The following AFF1 variants were observed in gnomAD, a reference collection of about 807,000 sequenced individuals.
The protein encoded by AFF1 is ALF transcription elongation factor 1, also known as AF4/FMR2 family member 1.
In AFF1, 48 loss-of-function variants were observed where a neutral mutation model predicts 121.7. The observed-to-expected ratio is 0.39, with a 90% CI of 0.31 to 0.50. AFF1 has a LOEUF of 0.50. AFF1 is among the 20% of genes least tolerant of loss of function. AFF1 has a pLI of 0.76. For synonymous variants in AFF1, 613 were observed against 563.0 expected (o/e 1.09, Z -1.26); for missense variants, 1,523 against 1,511.7 (o/e 1.01, Z -0.12).
chr4:87,126,060 C>CT (rs748006987), intron 13 of AFF1, 39 bp from the exon 14 acceptor site: 1 of 1,590,252 alleles, frequency 6.3e-7, no homozygotes, highest in South Asian at 1.1e-5. Flanking sequence ...TTGATGTGTA[C>CT]TTTGCCTCCT....
chr4:87,062,015 C>A (rs1720838235), intron 4 of AFF1, among the ~76,000 whole-genome samples: 1 of 152,110 alleles, frequency 6.6e-6, no homozygotes. Flanking sequence ...AAAATACTAA[C>A]AAGGTTAGTC....
chr4:86,945,342 T>TTG (rs1491044663), intron 1 of AFF1, among the ~76,000 whole-genome samples: 8 of 125,016 alleles, frequency 6.4e-5, no homozygotes, highest in Non-Finnish European at 9.9e-5. Flanking sequence ...TTTTTTTTTT[T>TTG]GAGGCAGGGC....
At chr4:87,037,311 G>A (rs568746184) in intron 2 of AFF1, among the ~76,000 whole-genome samples, 231 of 152,178 alleles carry the variant, frequency 1.5e-3, no homozygotes, top group Non-Finnish European at 2.8e-3. Context: ...GCTGCTTGGT[G>A]GTAGGTTGTT....
At chr4:87,049,578 T>G (rs546664772) in intron 4 of AFF1, 37 of 343,880 alleles carry the variant, frequency 1.1e-4, no homozygotes, top group Admixed American at 3.3e-4. Flanking sequence ...AAGAATGGGG[T>G]TTTTTTTTTG....
chr4:87,011,865 ATGT>A (rs1560538191), intron 2 of AFF1, among the ~76,000 whole-genome samples: 1 of 152,100 alleles, frequency 6.6e-6, no homozygotes, highest in Non-Finnish European at 1.5e-5. Context: ...ATTTATGGGG[ATGT>A]TGTTGTTTTG....
intron 2 of AFF1, among the ~76,000 whole-genome samples, chr4:87,022,568 A>G (rs1311185115): frequency 1.2e-5 from 1 of 84,028 alleles, no homozygotes; most frequent in African/African-American, 5.1e-5. Context: ...ATATATATAT[A>G]TATATATATA....
At chr4:87,083,117 T>A (rs749159057) in intron 4 of AFF1, among the ~76,000 whole-genome samples, 1 of 152,178 alleles carries the variant, frequency 6.6e-6, no homozygotes, top group Non-Finnish European at 1.5e-5. Flanking sequence ...ATGTCTCTAG[T>A]TCAGAAAAAA....
At chr4:87,042,237 G>T (rs562066076) in intron 2 of AFF1, among the ~76,000 whole-genome samples, 4 of 152,094 alleles carry the variant, frequency 2.6e-5, no homozygotes, top group Non-Finnish European at 5.9e-5. Context: ...CCAAGAAAAA[G>T]AAAATATTCA....
At position 87,105,861 on chromosome 4, in the gene AFF1, C is replaced by T. The variant is rs766300524; in HGVS notation, c.1376+16C>T. 7 of 1,613,936 alleles carry T rather than the reference C, an allele frequency of 4.3e-6. No homozygotes were observed. Among genetic ancestry groups the T allele is most frequent in the East Asian group, 4.5e-5 (2 of 44,886 alleles). On this transcript the variant is annotated intron_variant, in intron 10 of 20. Coordinates refer to ENST00000395146, the MANE Select transcript of AFF1 (RefSeq NM_001166693.3). ...CACCTCCAAGGTACCGTGTGGGTTT[C>T]TCCCCATCTGTACAGAATGTTTGCA...
intron 16 of AFF1, among the ~76,000 whole-genome samples, chr4:87,130,252 C>T (rs1285618006): frequency 3.9e-5 from 6 of 152,198 alleles, no homozygotes; most frequent in South Asian, 2.1e-4. Flanking sequence ...GGATTACAGG[C>T]GTGAGCCACC....
intron 6 of AFF1, among the ~76,000 whole-genome samples, chr4:87,091,315 A>G (rs1724285130): frequency 6.6e-6 from 1 of 152,324 alleles, no homozygotes; most frequent in East Asian, 1.9e-4. Flanking sequence ...AGGCAGAAGA[A>G]TCGCTTGAAC....
At chr4:87,074,460 C>A (rs953203934) in intron 4 of AFF1, among the ~76,000 whole-genome samples, 1 of 152,170 alleles carries the variant, frequency 6.6e-6, no homozygotes, top group Admixed American at 6.5e-5. Flanking sequence ...CCCCTTATTA[C>A]GTGGTGAATG....
In AFF1 at chr4:86,994,336, A is replaced by C. The variant is rs569763306; in HGVS notation, c.38+45765A>C. 1.6e-4 allele frequency among the ~76,000 whole-genome samples: 24 copies of C among 152,362 alleles called. 2 individuals carry two copies. The South Asian group carries it at 4.8e-3, about 30-fold the overall frequency. ...GAGCGGAGTCCTTCACACACTTCTC[A>C]TGGTCAAATATGTGGTTTCCTTTGG... On this transcript the variant is annotated intron_variant, in intron 2 of 20. Transcript: ENST00000395146.
rs540331001 is a variant in AFF1, at chr4:87,127,177, C to G, written c.2903+60C>G. 4,194 of 1,299,246 alleles carry G rather than the reference C, an allele frequency of 3.2e-3. 331 individuals are homozygous for G. In the African/African-American group the frequency reaches 0.062, roughly 19 times the overall value. 80.5% of individuals were successfully genotyped at this position (1,299,246 alleles called of 1,614,324 possible). Reference sequence around the variant, plus strand: ...TGTTTTGTTTTGCTTCCCCCCCCCACCAAGATAGAGTCTCACTCTGTCACC... The same window carrying G: ...TGTTTTGTTTTGCTTCCCCCCCCCAGCAAGATAGAGTCTCACTCTGTCACC... On this transcript the variant is annotated intron_variant, in intron 15 of 20. Transcript: ENST00000395146.
chr4:86,951,850 A>G (rs1267455436), intron 2 of AFF1, among the ~76,000 whole-genome samples: 13 of 150,670 alleles, frequency 8.6e-5, no homozygotes, highest in Non-Finnish European at 2.9e-5. Context: ...TCTTGACCTC[A>G]TGATCTGCCC....
intron 2 of AFF1, among the ~76,000 whole-genome samples, chr4:86,998,140 G>A (rs533653696): frequency 1.5e-5 from 2 of 133,828 alleles, no homozygotes; most frequent in East Asian, 2.3e-4. Flanking sequence ...AGAAAACTGC[G>A]TGGACAGCTT....
chr4:86,995,937 T>C (rs1469366215), intron 2 of AFF1, among the ~76,000 whole-genome samples: 1 of 138,862 alleles, frequency 7.2e-6, no homozygotes, highest in Non-Finnish European at 1.6e-5. Context: ...CCGTCCGGGA[T>C]GTGAGGAGCG....
chr4:87,129,767 T>C (rs1728633706), intron 16 of AFF1, among the ~76,000 whole-genome samples: 3 of 152,202 alleles, frequency 2.0e-5, no homozygotes, highest in Admixed American at 2.0e-4. Context: ...AGCAGCCTAG[T>C]TCATTCTGCT....
chr4:87,028,902 C>T (rs927871212), intron 2 of AFF1, among the ~76,000 whole-genome samples: 22 of 152,146 alleles, frequency 1.4e-4, no homozygotes, highest in African/African-American at 5.1e-4. Context: ...CGGATTGTCC[C>T]CAAAGGAGGT....
Sources: allele counts gnomAD v4.1 joint callset (sites outside exome capture counted in the v4.1 genomes callset), GRCh38; gene constraint gnomAD v4.1.1; transcripts MANE v1.5; gene names NCBI Gene and HGNC (gene_info 2026-07-23, HGNC 2026-07-21).